RSPH10B2: variants seen among roughly 807,000 people sequenced by gnomAD.
RSPH10B2 encodes the protein radial spoke head 10 homolog B2 (Chlamydomonas).
Under a neutral mutation model 49.0 loss-of-function variants are expected in RSPH10B2, and 9 were observed. The observed-to-expected ratio is 0.18, with a 90% CI of 0.11 to 0.32. The LOEUF (loss-of-function observed/expected upper bound fraction) is 0.32, where lower values mean the gene tolerates loss of function less well. RSPH10B2 is among the 10% of genes least tolerant of loss of function. The probability of loss-of-function intolerance (pLI) is 1.00; values close to 1 mark genes in which losing one functional copy is unlikely to be tolerated. For missense variants in RSPH10B2, 95 were observed against 589.9 expected, an observed-to-expected ratio of 0.16 and a Z score of 8.69; for synonymous variants, 35 against 210.2, an observed-to-expected ratio of 0.17 and a Z score of 7.21.
At chr7:6,756,072 T>C (rs1169321068), upstream of RSPH10B2, among the ~76,000 whole-genome samples, 294 of 149,618 alleles carry the variant, frequency 2.0e-3, 1 homozygote, top group Admixed American at 4.8e-3. Flanking sequence ...ATCGAGACCA[T>C]CCTGGCTAAC....
chr7:6,776,809 G>A (rs1261456549), intron 10 of RSPH10B2, among the ~76,000 whole-genome samples: 5 of 94,514 alleles, frequency 5.3e-5, no homozygotes, highest in Non-Finnish European at 2.1e-5. Flanking sequence ...CCCAGGAGGC[G>A]GAGGTTGCAG....
exon 4 of RSPH10B2, chr7:6,764,089 G>T (rs1297799307): frequency 7.7e-7 from 1 of 1,299,518 alleles, no homozygotes; most frequent in Non-Finnish European, 1.1e-6. Context: ...GCAATGGCAA[G>T]CGGCACGGGA....
At chr7:6,796,305 C>G (rs2711256) in intron 17 of RSPH10B2, among the ~76,000 whole-genome samples, 1 of 111,846 alleles carries the variant, frequency 8.9e-6, no homozygotes, top group African/African-American at 3.0e-5. Flanking sequence ...CAGAGTGAGA[C>G]TCTGTCTCCA....
At chr7:6,783,876 G>A (rs376010981) in intron 13 of RSPH10B2, among the ~76,000 whole-genome samples, 47 of 139,116 alleles carry the variant, frequency 3.4e-4, no homozygotes, top group Admixed American at 1.0e-3. Flanking sequence ...TTGCTCTGTC[G>A]CCCAGGCTGG....
intron 13 of RSPH10B2, among the ~76,000 whole-genome samples, chr7:6,783,647 A>G (rs1461579654): frequency 2.8e-4 from 42 of 148,980 alleles, no homozygotes; most frequent in Middle Eastern, 3.4e-3. Flanking sequence ...TAATTTTTCT[A>G]TTTTTTGTAG....
At chr7:6,764,417 A>G (rs1311046909) in intron 4 of RSPH10B2, among the ~76,000 whole-genome samples, 22 of 150,966 alleles carry the variant, frequency 1.5e-4, no homozygotes, top group Admixed American at 2.6e-4. Flanking sequence ...CGGGAGTGCA[A>G]TGGTGCCATC....
rs1781904122 is a variant in RSPH10B2, at chr7:6,780,793, T to C, written c.1530-16T>C. On this transcript the variant is annotated splice_polypyrimidine_tract_variant and intron_variant, in intron 11 of 18. Transcript: ENST00000297186. ...GGAGGAGAAGTAACTATGGTATCTTTTGATGATTATCACAGAAAGAGAAGC... is the reference window on the plus strand; with the variant it reads ...GGAGGAGAAGTAACTATGGTATCTTCTGATGATTATCACAGAAAGAGAAGC... 2.8e-6 allele frequency: 4 copies of C among 1,433,716 alleles called. 1 individual carries two copies. The highest frequency in any genetic ancestry group is 3.0e-5 in the South Asian group (2 of 65,994). The allele number at this position is 1,433,716 out of a possible 1,614,324, so 88.8% of individuals were successfully genotyped here.
chr7:6,791,313 T>C lies in RSPH10B2; in HGVS notation c.2140-591T>C, dbSNP rs769533351. 3.6e-5 allele frequency among the ~76,000 whole-genome samples: 5 copies of C among 140,680 alleles called. 1 individual carries two copies. The highest frequency in any genetic ancestry group is 7.1e-5 in the Admixed American group (1 of 14,132). The allele number at this position is 140,680 out of a possible 152,430, so 92.3% of individuals were successfully genotyped here. On this transcript the variant is annotated intron_variant, in intron 16 of 18. Coordinates refer to ENST00000297186, the Ensembl canonical transcript of RSPH10B2. ...CACCACGCCTAGCCGGTATCATTAA[T>C]TTTATACAATAAATACTGTACCAAC...
intron 13 of RSPH10B2, among the ~76,000 whole-genome samples, chr7:6,781,869 AATATATATATATAT>A (rs1554256008): frequency 4.0e-5 from 4 of 99,236 alleles, no homozygotes; most frequent in African/African-American, 1.6e-4. Flanking sequence ...TGTCTTAAAA[AATATATATATATAT>A]AAATATATAT....
At position 6,774,195 on chromosome 7, in the gene RSPH10B2, T is replaced by C. The variant is rs1160625310; in HGVS notation, c.1224+724T>C. ...TGAATATTGCTCCTTTTTTTTTTTTTTGAGACGGAGTCCCTTTTGTCGCCC... is the reference window on the plus strand; with the variant it reads ...TGAATATTGCTCCTTTTTTTTTTTTCTGAGACGGAGTCCCTTTTGTCGCCC... On this transcript the variant is annotated intron_variant, in intron 9 of 18. Coordinates refer to ENST00000297186, the Ensembl canonical transcript of RSPH10B2. Among the ~76,000 whole-genome samples, 3 of 66,232 alleles carry C rather than the reference T, an allele frequency of 4.5e-5. 1 individual carries two copies. The highest frequency in any genetic ancestry group is 2.0e-4 in the African/African-American group (3 of 14,670). 43.5% of individuals were successfully genotyped at this position (66,232 alleles called of 152,430 possible).
chr7:6,781,723 T>G (rs1293888583), intron 13 of RSPH10B2: 6 of 371,008 alleles, frequency 1.6e-5, no homozygotes, highest in Non-Finnish European at 2.1e-5. Flanking sequence ...CCATGGCCTA[T>G]AACAATGGCC....
chr7:6,776,877 A>T (rs74537041), intron 10 of RSPH10B2, among the ~76,000 whole-genome samples: 1,101 of 24,012 alleles, frequency 0.046, 38 homozygotes, highest in South Asian at 0.11. Flanking sequence ...ACTCCATCAC[A>T]CACACACACA....
chr7:6,758,518 G>A (rs1478877686), intron 1 of RSPH10B2, among the ~76,000 whole-genome samples: 4 of 128,284 alleles, frequency 3.1e-5, no homozygotes, highest in Non-Finnish European at 6.7e-5. Context: ...ATGGCATTAA[G>A]TACGTTCATA....
chr7:6,796,495 G>A lies in RSPH10B2; in HGVS notation c.2234-73G>A, dbSNP rs1383869484. 1.2e-4 allele frequency: 101 copies of A among 857,976 alleles called. 15 individuals carry two copies. Among genetic ancestry groups the A allele is most frequent in the Admixed American group, 1.5e-4 (5 of 33,386 alleles). 53.1% of individuals were successfully genotyped at this position (857,976 alleles called of 1,614,324 possible). On this transcript the variant is annotated intron_variant, in intron 17 of 18. Transcript: ENST00000297186. ...GGGCCCACCCCAGGGAGGCTAGAAC[G>A]AGAAAAAGCACGCAGACCCCCAATT...
In RSPH10B2 at chr7:6,766,925, C is replaced by A; in HGVS notation, c.780+48C>A. 6.8e-6 allele frequency: 7 copies of A among 1,031,984 alleles called. 1 individual carries two copies. The highest frequency in any genetic ancestry group is 9.2e-6 in the Non-Finnish European group (7 of 761,842). 63.9% of individuals were successfully genotyped at this position (1,031,984 alleles called of 1,614,324 possible). ...CTTATACCCAGAGGCGGATGCTCCGCCGATTCTCAACACATGTATATTTCT... is the reference window on the plus strand; with the variant it reads ...CTTATACCCAGAGGCGGATGCTCCGACGATTCTCAACACATGTATATTTCT... On this transcript the variant is annotated intron_variant, in intron 6 of 18. Transcript: ENST00000297186.
chr7:6,780,919 C>T (rs1194683487), intron 12 of RSPH10B2, 31 bp downstream of exon 14: 6 of 1,411,412 alleles, frequency 4.3e-6, no homozygotes, highest in Non-Finnish European at 4.7e-6. Flanking sequence ...ATTCTATTTA[C>T]CGCCCCATTT....
chr7:6,755,874 G>A (rs1781040693), upstream of RSPH10B2, among the ~76,000 whole-genome samples: 1 of 114,838 alleles, frequency 8.7e-6, no homozygotes, highest in Non-Finnish European at 1.7e-5. Context: ...AGGTTGCAGT[G>A]AGCCAGTGAG....
At chr7:6,791,318 T>C (rs1474387968) in intron 16 of RSPH10B2, among the ~76,000 whole-genome samples, 1 of 141,174 alleles carries the variant, frequency 7.1e-6, no homozygotes, top group Non-Finnish European at 1.5e-5. Context: ...ATTAATTTTA[T>C]ACAATAAATA....
intron 12 of RSPH10B2, 82 bp downstream of exon 14, chr7:6,780,970 C>T: frequency 4.5e-6 from 6 of 1,332,664 alleles, no homozygotes; most frequent in East Asian, 6.4e-5. Flanking sequence ...CGCAGTGGCT[C>T]ACTCCTGCAA....
Sources: allele counts gnomAD v4.1 joint callset (sites outside exome capture counted in the v4.1 genomes callset), GRCh38; gene constraint gnomAD v4.1.1; transcripts MANE v1.5; gene names NCBI Gene and HGNC (gene_info 2026-07-23, HGNC 2026-07-21).